Variants in RAPGEF4 observed in about 807,000 individuals in gnomAD.
RAPGEF4 encodes the protein Rap guanine nucleotide exchange factor 4.
RAPGEF4 carries 66 observed loss-of-function variants against 147.9 expected under a neutral mutation model. The ratio of observed to expected loss-of-function variants is 0.45; its 90% CI spans 0.37 to 0.55. The LOEUF (loss-of-function observed/expected upper bound fraction) is 0.55, where lower values mean the gene tolerates loss of function less well. Ranked by LOEUF, RAPGEF4 falls within the 20% of genes least tolerant of loss-of-function variation. The probability of loss-of-function intolerance (pLI) is 0.00; values close to 1 mark genes in which losing one functional copy is unlikely to be tolerated. For synonymous variants in RAPGEF4, 419 were observed against 442.7 expected, an observed-to-expected ratio of 0.95 and a Z score of 0.67; for missense variants, 1,071 against 1,257.3, an observed-to-expected ratio of 0.85 and a Z score of 2.24.
intron 4 of RAPGEF4, among the ~76,000 whole-genome samples, chr2:172,828,837 G>T (rs926928802): frequency 3.3e-5 from 5 of 152,138 alleles, no homozygotes; most frequent in Admixed American, 2.6e-4. Context: ...ATGGCAGCCC[G>T]TTCACACATT....
At chr2:172,887,070 C>T (rs1416062018) in intron 4 of RAPGEF4, among the ~76,000 whole-genome samples, 1 of 151,866 alleles carries the variant, frequency 6.6e-6, no homozygotes, top group Non-Finnish European at 1.5e-5. Flanking sequence ...GCCTGTAATC[C>T]CAGCTACTTG....
chr2:172,952,174 C>T (rs1489484970), intron 6 of RAPGEF4, among the ~76,000 whole-genome samples: 2 of 152,058 alleles, frequency 1.3e-5, no homozygotes, highest in East Asian at 3.9e-4. Context: ...CCACACCAGG[C>T]TATTTTTTTT....
chr2:173,035,465 C>G (rs189615101), intron 27 of RAPGEF4, among the ~76,000 whole-genome samples: 4 of 150,090 alleles, frequency 2.7e-5, no homozygotes, highest in African/African-American at 9.8e-5. Context: ...GAGCGGAGAT[C>G]GCGCCACTGC....
At chr2:172,818,505 C>T (rs1003081663) in intron 4 of RAPGEF4, among the ~76,000 whole-genome samples, 1 of 152,102 alleles carries the variant, frequency 6.6e-6, no homozygotes, top group African/African-American at 2.4e-5. Context: ...ATCAGAGACC[C>T]TGGGTCTAAA....
intron 23 of RAPGEF4, among the ~76,000 whole-genome samples, chr2:173,026,111 G>A (rs1696638348): frequency 6.6e-6 from 1 of 152,186 alleles, no homozygotes; most frequent in Admixed American, 6.5e-5. Context: ...TGGAGAGGCA[G>A]CAGTGTTACC....
At chr2:172,960,928 C>G in intron 7 of RAPGEF4, 115 bp downstream of exon 7, 4 of 953,310 alleles carry the variant, frequency 4.2e-6, no homozygotes, top group Non-Finnish European at 6.4e-6. Context: ...TTTCTAGAGA[C>G]AGGAAATATT....
chr2:172,814,088 G>T (rs1402914645), intron 3 of RAPGEF4, among the ~76,000 whole-genome samples, 191 bp from the exon 4 acceptor site: 1 of 152,166 alleles, frequency 6.6e-6, no homozygotes, highest in Non-Finnish European at 1.5e-5. Flanking sequence ...GGGGACTTTT[G>T]GGGTTCATAG....
chr2:172,954,777 G>T lies in RAPGEF4; in HGVS notation c.538-5983G>T, dbSNP rs147462748. On this transcript the variant is annotated intron_variant, in intron 6 of 30. Transcript: ENST00000397081. ...CATTTTCACTAAAAAACTGAATACT[G>T]CTCTCTACCTCCTAGAAATGTCCTC... Among the ~76,000 whole-genome samples, 519 of 152,268 alleles carry T rather than the reference G, an allele frequency of 3.4e-3. 6 individuals carry two copies. The highest frequency in any genetic ancestry group is 0.011 in the African/African-American group (476 of 41,544).
intron 4 of RAPGEF4, among the ~76,000 whole-genome samples, chr2:172,884,165 T>A (rs1016888404): frequency 1.3e-5 from 2 of 152,194 alleles, no homozygotes; most frequent in Non-Finnish European, 2.9e-5. Context: ...CAGTGAACTG[T>A]TAAAATGTAT....
intron 3 of RAPGEF4, among the ~76,000 whole-genome samples, chr2:172,809,124 G>A (rs867087937): frequency 4.6e-5 from 7 of 152,174 alleles, no homozygotes; most frequent in South Asian, 4.1e-4. Context: ...GAAATATCTC[G>A]AGGGCATGTT....
intron 4 of RAPGEF4, among the ~76,000 whole-genome samples, chr2:172,907,975 A>G (rs1474516073): frequency 1.3e-5 from 2 of 152,170 alleles, no homozygotes; most frequent in Non-Finnish European, 2.9e-5. Context: ...TAAGTAACTG[A>G]CCCACGTTCA....
intron 6 of RAPGEF4, among the ~76,000 whole-genome samples, chr2:172,952,438 T>C (rs1260284402): frequency 1.3e-5 from 2 of 152,188 alleles, no homozygotes; most frequent in Non-Finnish European, 2.9e-5. Context: ...GAAGACTCTT[T>C]TTCAGAGTTT....
At chr2:172,977,458 C>T (rs1419341948) in intron 10 of RAPGEF4, among the ~76,000 whole-genome samples, 1 of 152,010 alleles carries the variant, frequency 6.6e-6, no homozygotes, top group Non-Finnish European at 1.5e-5. Flanking sequence ...TGGGGGAGAA[C>T]CTTTGTCTGA....
At chr2:172,759,429 G>C (rs1297289930) in intron 1 of RAPGEF4, among the ~76,000 whole-genome samples, 1 of 152,152 alleles carries the variant, frequency 6.6e-6, no homozygotes, top group Non-Finnish European at 1.5e-5. Context: ...GGATGACATG[G>C]ATGCAATTAT....
intron 6 of RAPGEF4, among the ~76,000 whole-genome samples, chr2:172,945,017 A>G (rs1452484966): frequency 6.6e-6 from 1 of 152,108 alleles, no homozygotes; most frequent in Non-Finnish European, 1.5e-5. Context: ...TTAGAAAAAT[A>G]CAGAAAGGGG....
chr2:172,810,441 C>G (rs1404966095), intron 3 of RAPGEF4, among the ~76,000 whole-genome samples: 1 of 152,246 alleles, frequency 6.6e-6, no homozygotes, highest in African/African-American at 2.4e-5. Context: ...CACACACATG[C>G]AGATCAACAT....
intron 1 of RAPGEF4, among the ~76,000 whole-genome samples, chr2:172,767,463 G>A (rs1481650010): frequency 1.3e-5 from 2 of 152,072 alleles, no homozygotes; most frequent in Non-Finnish European, 2.9e-5. Context: ...ACAGGCATGA[G>A]GCACTGAGCC....
At chr2:172,736,846 C>A (rs867390028) in intron 1 of RAPGEF4, among the ~76,000 whole-genome samples, 2 of 152,322 alleles carry the variant, frequency 1.3e-5, no homozygotes, top group South Asian at 2.1e-4. Flanking sequence ...GGTGATGCAT[C>A]TGAACTTTTA....
At chr2:172,990,265 TGAAC>T in intron 14 of RAPGEF4, among the ~76,000 whole-genome samples, 1 of 152,220 alleles carries the variant, frequency 6.6e-6, no homozygotes, top group Non-Finnish European at 1.5e-5. Flanking sequence ...AAACATTCTT[TGAAC>T]GAATCAGATT....
Sources: allele counts gnomAD v4.1 joint callset (sites outside exome capture counted in the v4.1 genomes callset), GRCh38; gene constraint gnomAD v4.1.1; transcripts MANE v1.5; gene names NCBI Gene and HGNC (gene_info 2026-07-23, HGNC 2026-07-21).